Variants in GOLM2 observed in about 807,000 individuals in gnomAD.
The protein encoded by GOLM2 is protein GOLM2.
A neutral mutation model predicts 55.9 loss-of-function variants in GOLM2; 26 were observed. The observed-to-expected ratio is 0.47, with a 90% CI of 0.34 to 0.65. The LOEUF (loss-of-function observed/expected upper bound fraction) is 0.65. Ranked by LOEUF, GOLM2 falls within the 30% of genes least tolerant of loss-of-function variation. The pLI, the probability that GOLM2 is intolerant of heterozygous loss-of-function variation, is 0.01. For synonymous variants in GOLM2, 165 were observed against 194.6 expected (o/e 0.85, Z 1.27); for missense variants, 486 against 531.8 (o/e 0.91, Z 0.85).
chr15:44,356,850 A>G lies in GOLM2; in HGVS notation c.802+18533A>G, dbSNP rs1007536641. Reference sequence around the variant, plus strand: ...TATATGCAAAAATTCTCAATGAAATATTAGCAAGTTGAATTCAACAATGTA... The same window carrying G: ...TATATGCAAAAATTCTCAATGAAATGTTAGCAAGTTGAATTCAACAATGTA... On this transcript the variant is annotated intron_variant, in intron 6 of 9. Coordinates refer to ENST00000299957, the MANE Select transcript of GOLM2 (RefSeq NM_138423.4). Among the ~76,000 whole-genome samples the G allele has an allele frequency of 5.3e-5, 8 of 152,296 alleles. 1 individual carries two copies. Among genetic ancestry groups the G allele is most frequent in the Admixed American group, 3.9e-4 (6 of 15,304 alleles).
intron 8 of GOLM2, among the ~76,000 whole-genome samples, chr15:44,383,675 CTTT>C (rs761209421): frequency 2.4e-5 from 3 of 125,886 alleles, no homozygotes; most frequent in Non-Finnish European, 3.4e-5. Flanking sequence ...TTCTTTTTTT[CTTT>C]TTTTTTTTTT....
chr15:44,342,515 C>T (rs2079096781), intron 6 of GOLM2, among the ~76,000 whole-genome samples: 1 of 152,192 alleles, frequency 6.6e-6, no homozygotes, highest in Non-Finnish European at 1.5e-5. Context: ...AGTCCTCCCA[C>T]CTTAGCCTCC....
chr15:44,296,732 T>C lies in GOLM2; in HGVS notation c.327+7376T>C, dbSNP rs537672239. Reference sequence around the variant, plus strand: ...CAGCCCTAGCCTACCTGCCTCACCCTTTGCTCCTGAATGTCTGACTGTTTT... The same window carrying C: ...CAGCCCTAGCCTACCTGCCTCACCCCTTGCTCCTGAATGTCTGACTGTTTT... On this transcript the variant is annotated intron_variant, in intron 1 of 9. Transcript: ENST00000299957. Among the ~76,000 whole-genome samples the C allele has an allele frequency of 1.3e-3, 205 of 152,290 alleles. 1 individual carries two copies. Among genetic ancestry groups the C allele is most frequent in the African/African-American group, 4.7e-3 (196 of 41,546 alleles).
At chr15:44,401,439 A>AT (rs1224291553) in intron 8 of GOLM2, among the ~76,000 whole-genome samples, 4 of 151,930 alleles carry the variant, frequency 2.6e-5, no homozygotes, top group Non-Finnish European at 5.9e-5. Context: ...TAATTTTTGT[A>AT]TTTTTTGTAG....
chr15:44,350,066 A>G (rs1281510382), intron 6 of GOLM2, among the ~76,000 whole-genome samples: 1 of 152,212 alleles, frequency 6.6e-6, no homozygotes, highest in Non-Finnish European at 1.5e-5. Context: ...AAACAACCTA[A>G]CAATGCATCC....
At chr15:44,387,492 A>C (rs1354373085) in intron 8 of GOLM2, 1 of 151,818 alleles carries the variant, frequency 6.6e-6, no homozygotes, top group Non-Finnish European at 1.5e-5. Context: ...GCCTGGCCTG[A>C]TGGCTCATGC....
chr15:44,316,708 T>C (rs1253983119), intron 1 of GOLM2, among the ~76,000 whole-genome samples: 1 of 151,228 alleles, frequency 6.6e-6, no homozygotes, highest in Non-Finnish European at 1.5e-5. Flanking sequence ...TGAGCCGAGA[T>C]TGTGCCACTG....
rs549117410 is a variant in GOLM2, at chr15:44,407,875, C to T, written c.1240+4821C>T. Among the ~76,000 whole-genome samples, 3 of 151,906 alleles carry T rather than the reference C, an allele frequency of 2.0e-5. No individual in the cohort carries two copies. The East Asian group carries it at 5.8e-4, about 29-fold the overall frequency. ...CAAGCAATTCTCTTGCCTCAGCTTC[C>T]TGAGTAGCTGGGATTACAGGCGTCC... is the stretch of plus-strand genomic sequence containing the variant. On this transcript the variant is annotated intron_variant, in intron 9 of 9. Transcript: ENST00000299957.
At chr15:44,409,592 C>CAAAAAAAAAAA (rs60091801) in intron 9 of GOLM2, 1 of 17,008 alleles carries the variant, frequency 5.9e-5, no homozygotes, top group East Asian at 1.3e-3. Flanking sequence ...CCCTCTCTCT[C>CAAAAAAAAAAA]AAAAAAAAAA....
Position 44,402,900 on chromosome 15 carries a change from T to C in GOLM2, c.1086T>C (p.Asp362=), listed in dbSNP as rs368735999. The C allele has an allele frequency of 8.1e-6, 13 of 1,613,872 alleles. No homozygotes were observed. In the Admixed American group the frequency reaches 2.0e-4, roughly 25 times the overall value. Residue 362 remains aspartate (D), a synonymous_variant, in exon 9 of 10, where the codon GAT becomes GAC. Coordinates refer to ENST00000299957, the MANE Select transcript of GOLM2 (RefSeq NM_138423.4). ...FHKLKQSRFF[D]ENESPVDPQH... ...CCTACTTCACAGGCCGATTCTTTGA[T>C]GAAAATGAATCCCCTGTTGATCCGC...
At chr15:44,367,906 A>G (rs1213534452) in intron 6 of GOLM2, among the ~76,000 whole-genome samples, 1 of 151,952 alleles carries the variant, frequency 6.6e-6, no homozygotes, top group Non-Finnish European at 1.5e-5. Flanking sequence ...GATGCTTTTA[A>G]GATTTTCCCT....
chr15:44,377,914 C>T (rs2079375055), intron 6 of GOLM2, among the ~76,000 whole-genome samples: 1 of 150,960 alleles, frequency 6.6e-6, no homozygotes, highest in Non-Finnish European at 1.5e-5. Context: ...CAGATGATAA[C>T]AGTGGTTATC....
At chr15:44,386,018 T>G (rs537352799) in intron 8 of GOLM2, among the ~76,000 whole-genome samples, 64 of 152,246 alleles carry the variant, frequency 4.2e-4, no homozygotes, top group Non-Finnish European at 8.4e-4. Flanking sequence ...TGTCCTTTCA[T>G]GCACGAAAGT....
chr15:44,387,208 A>G (rs952906844), intron 8 of GOLM2: 14 of 150,726 alleles, frequency 9.3e-5, no homozygotes, highest in African/African-American at 3.4e-4. Context: ...AAAAAAAGGA[A>G]TTGCACTGAA....
Position 44,289,272 on chromosome 15 carries a change from C to T in GOLM2, c.243C>T (p.Ile81=). ...LLLVDTHKKQ[I]DQKEADYGRL... Reference sequence around the variant, plus strand: ...TGGTGGACACGCACAAGAAACAGATCGACCAGAAGGAGGCCGACTACGGCC... The same window carrying T: ...TGGTGGACACGCACAAGAAACAGATTGACCAGAAGGAGGCCGACTACGGCC... The change falls in exon 1 of 10, where the codon ATC becomes ATT. Residue 81 remains isoleucine (I), a synonymous_variant. Coordinates refer to ENST00000299957, the MANE Select transcript of GOLM2 (RefSeq NM_138423.4). This position sits in a 1 kb window ranked among gnomAD's most constrained non-coding sequence, Gnocchi z 4.8. 6.2e-7 allele frequency: 1 copy of T among 1,613,956 alleles called. No homozygotes were observed. Among genetic ancestry groups the T allele is most frequent in the Middle Eastern group, 1.7e-4 (1 of 6,058 alleles).
chr15:44,328,598 TA>T, intron 2 of GOLM2, 86 bp from the exon 3 acceptor site: 1 of 752,368 alleles, frequency 1.3e-6, no homozygotes, highest in Non-Finnish European at 2.2e-6. Context: ...GAATTATGTA[TA>T]ATTAAAAAAA....
At chr15:44,373,572 G>A (rs1423322274) in intron 6 of GOLM2, among the ~76,000 whole-genome samples, 4 of 150,986 alleles carry the variant, frequency 2.6e-5, no homozygotes, top group African/African-American at 7.3e-5. Flanking sequence ...TAGCCAACAT[G>A]GTGAAACCCT....
At chr15:44,312,204 T>C (rs1237832402) in intron 1 of GOLM2, among the ~76,000 whole-genome samples, 1 of 152,174 alleles carries the variant, frequency 6.6e-6, no homozygotes, top group Non-Finnish European at 1.5e-5. Context: ...CATGCCAATT[T>C]CAAGCACAGC....
chr15:44,375,589 A>C (rs2079359179), intron 6 of GOLM2, among the ~76,000 whole-genome samples: 1 of 151,750 alleles, frequency 6.6e-6, no homozygotes, highest in African/African-American at 2.4e-5. Context: ...ACCAGTCTGG[A>C]CAACATAGTG....
Sources: allele counts gnomAD v4.1 joint callset (sites outside exome capture counted in the v4.1 genomes callset), GRCh38; gene constraint gnomAD v4.1.1; non-coding constraint Gnocchi (gnomAD v3.1); transcripts MANE v1.5; gene names NCBI Gene and HGNC (gene_info 2026-07-23, HGNC 2026-07-21).